FBXL2: variants seen among roughly 807,000 people sequenced by gnomAD.
FBXL2 encodes the protein F-box and leucine rich repeat protein 2, also known as F-box/LRR-repeat protein 2.
Under a neutral mutation model 69.2 loss-of-function variants are expected in FBXL2, and 38 were observed. That is an observed-to-expected ratio of 0.55 (90% CI 0.42 to 0.72). FBXL2 has a LOEUF of 0.72. Among genes scored for constraint, FBXL2 ranks in the 30% least tolerant of loss-of-function variants. The probability of loss-of-function intolerance (pLI) is 0.00; values close to 1 mark genes in which losing one functional copy is unlikely to be tolerated. For missense variants in FBXL2, 354 were observed against 520.3 expected (o/e 0.68, Z 3.11); for synonymous variants, 192 against 201.3 (o/e 0.95, Z 0.39).
chr3:33,329,954 G>A (rs1006658797), intron 2 of FBXL2, among the ~76,000 whole-genome samples: 7 of 151,858 alleles, frequency 4.6e-5, no homozygotes, highest in African/African-American at 1.7e-4. Context: ...TCAAGCCTGG[G>A]TGACAGAGTG....
In FBXL2 at chr3:33,385,630, G is replaced by C. The variant is rs770811069; in HGVS notation, c.*22G>C. On this transcript the variant is annotated 3_prime_UTR_variant, in exon 15 of 15. Transcript: ENST00000484457. ...CTGACAGCAGCTGCCTGGGCCCAAG[G>C]GGTGATGAGGCATCCTTTCCTCTAG... 72 of 1,583,586 alleles carry C rather than the reference G, an allele frequency of 4.5e-5. No homozygotes were observed. Among genetic ancestry groups the C allele is most frequent in the Non-Finnish European group, 6.2e-5 (71 of 1,152,506 alleles).
chr3:33,354,915 T>G (rs1214308567), intron 2 of FBXL2, among the ~76,000 whole-genome samples: 2 of 152,176 alleles, frequency 1.3e-5, no homozygotes, highest in Admixed American at 1.3e-4. Flanking sequence ...AAATTAACAT[T>G]ATATACTGGC....
At chr3:33,392,993 A>T (rs113275286), downstream of FBXL2, 6 of 325,380 alleles carry the variant, frequency 1.8e-5, no homozygotes, top group African/African-American at 4.2e-5. Context: ...CAAATAATAG[A>T]CAAAAGGAAA....
rs2043401336 is a variant in FBXL2 at position 33,385,908 on chromosome 3, G to A, written c.*300G>A. 2 of 385,140 alleles carry A rather than the reference G, an allele frequency of 5.2e-6. No individual in the cohort carries two copies. The highest frequency in any genetic ancestry group is 5.7e-5 in the East Asian group (1 of 17,508). The allele number at this position is 385,140 out of a possible 1,614,324, so 23.9% of individuals were successfully genotyped here. A position where few individuals can be genotyped will look rare whatever the true frequency, so the allele number is the denominator to read the frequency against. On this transcript the variant is annotated 3_prime_UTR_variant, in exon 15 of 15. Transcript: ENST00000484457. ...GATTGGTACCTACCTAGGTACGAAA[G>A]TTCTACCCTTGGCATACTCAGCATT...
At chr3:33,302,895 T>C (rs879136701) in intron 2 of FBXL2, among the ~76,000 whole-genome samples, 1 of 152,130 alleles carries the variant, frequency 6.6e-6, no homozygotes, top group South Asian at 2.1e-4. Context: ...CATTTTCAAA[T>C]TTTCCTTTTC....
rs1224722074 is a variant in FBXL2 at position 33,394,643 on chromosome 3, A to G, written n.1215-8591A>G. 2.0e-5 allele frequency among the ~76,000 whole-genome samples: 3 copies of G among 152,284 alleles called. No homozygotes were observed. In the East Asian group the frequency reaches 5.8e-4, roughly 29 times the overall value. On this transcript the variant is annotated intron_variant and non_coding_transcript_variant, in intron 12 of 12. Transcript: ENST00000463736. ...GATTAAAGCCAGACATGGATCAGGA[A>G]TATCATTACTGAGAACTTTGCTTCC...
intron 1 of FBXL2, among the ~76,000 whole-genome samples, chr3:33,294,194 T>C (rs1191241607): frequency 2.6e-5 from 4 of 152,134 alleles, no homozygotes; most frequent in Non-Finnish European, 5.9e-5. Context: ...TCTCCTGGGC[T>C]CAAGCTATCC....
At chr3:33,332,078 TA>T (rs1254461367) in intron 2 of FBXL2, among the ~76,000 whole-genome samples, 1 of 151,876 alleles carries the variant, frequency 6.6e-6, no homozygotes, top group East Asian at 1.9e-4. Flanking sequence ...AAAGGATTAA[TA>T]AAAATAAATA....
rs1389195989 is a variant in FBXL2, at chr3:33,282,013, T to G, written c.3+4498T>G. 7.9e-5 allele frequency among the ~76,000 whole-genome samples: 12 copies of G among 152,130 alleles called. No individual in the cohort carries two copies. In the Middle Eastern group the frequency reaches 0.01, roughly 129 times the overall value. On this transcript the variant is annotated intron_variant, in intron 1 of 14. Transcript: ENST00000484457. ...CTGTAGGTTGCCTGTTCACTCTGAT[T>G]GTAGTTTCTTTTGCTGTGCAGAAGC... is the stretch of plus-strand genomic sequence containing the variant.
intron 2 of FBXL2, among the ~76,000 whole-genome samples, chr3:33,323,532 T>A (rs1454123765): frequency 6.6e-6 from 1 of 152,146 alleles, no homozygotes; most frequent in East Asian, 1.9e-4. Context: ...ATTGTTCAGC[T>A]CTCACTTACG....
At chr3:33,402,652 G>T in intron 12 of FBXL2, 1 of 497,160 alleles carries the variant, frequency 2.0e-6, no homozygotes. Flanking sequence ...GACAATGATT[G>T]TCCTCTGCCA....
chr3:33,421,940 A>C, the FBXL2 span, among the ~76,000 whole-genome samples: 2 of 152,162 alleles, frequency 1.3e-5, no homozygotes, highest in African/African-American at 4.8e-5. Flanking sequence ...GGTACTCCAG[A>C]GGCTGAGGCA....
intron 2 of FBXL2, among the ~76,000 whole-genome samples, chr3:33,324,135 C>T (rs2125805480): frequency 6.7e-6 from 1 of 149,908 alleles, no homozygotes; most frequent in African/African-American, 2.4e-5. Context: ...ATATCCTTTG[C>T]CCACTTTTTG....
At chr3:33,320,882 C>G (rs1468418443) in intron 2 of FBXL2, among the ~76,000 whole-genome samples, 1 of 151,988 alleles carries the variant, frequency 6.6e-6, no homozygotes, top group Non-Finnish European at 1.5e-5. Flanking sequence ...TCAAAAAACA[C>G]CCTGAAAATT....
At chr3:33,287,091 C>G (rs1354957254) in intron 1 of FBXL2, among the ~76,000 whole-genome samples, 2 of 152,228 alleles carry the variant, frequency 1.3e-5, no homozygotes, top group Non-Finnish European at 2.9e-5. Context: ...AATCACCCAT[C>G]TTCTGCATCG....
chr3:33,350,697 A>G (rs1358257141), intron 2 of FBXL2, among the ~76,000 whole-genome samples: 1 of 152,052 alleles, frequency 6.6e-6, no homozygotes, highest in African/African-American at 2.4e-5. Context: ...TGGCCTCCCA[A>G]AGTGCTGGGA....
rs1425914537 is a variant in FBXL2 at position 33,400,705 on chromosome 3, T to C, written n.1215-2529T>C. On this transcript the variant is annotated intron_variant and non_coding_transcript_variant, in intron 12 of 12. Transcript: ENST00000463736. ...GGATAAGAGAGAGGATGAGAAGAAC[T>C]GGATTAAAGGGTGCAAACAAACATA... Among the ~76,000 whole-genome samples the C allele has an allele frequency of 2.0e-5, 3 of 152,026 alleles. No homozygotes were observed. In the South Asian group the frequency reaches 6.2e-4, roughly 32 times the overall value.
At chr3:33,368,459 T>C (rs1186279571) in intron 5 of FBXL2, among the ~76,000 whole-genome samples, 1 of 152,238 alleles carries the variant, frequency 6.6e-6, no homozygotes, top group Non-Finnish European at 1.5e-5. Context: ...TTTTCTTTAC[T>C]ATAAAATCTT....
intron 2 of FBXL2, among the ~76,000 whole-genome samples, chr3:33,336,649 A>G (rs1412211115): frequency 6.6e-6 from 1 of 152,238 alleles, no homozygotes; most frequent in African/African-American, 2.4e-5. Flanking sequence ...ACTCATGCTT[A>G]TAATCCTGGC....
Sources: allele counts gnomAD v4.1 joint callset (sites outside exome capture counted in the v4.1 genomes callset), GRCh38; gene constraint gnomAD v4.1.1; transcripts MANE v1.5; gene names NCBI Gene and HGNC (gene_info 2026-07-23, HGNC 2026-07-21).